CISD2: variants seen among roughly 807,000 people sequenced by gnomAD.
The protein encoded by CISD2 is CDGSH iron-sulfur domain-containing protein 2.
Under a neutral mutation model 12.9 loss-of-function variants are expected in CISD2, and 1 was observed. That is an observed-to-expected ratio of 0.08 (90% CI 0.03 to 0.37). The LOEUF (loss-of-function observed/expected upper bound fraction) is 0.37. Among genes scored for constraint, CISD2 ranks in the 10% least tolerant of loss-of-function variants. CISD2 has a pLI of 0.99. For missense variants in CISD2, 97 were observed against 163.1 expected (o/e 0.59, Z 2.21); for synonymous variants, 50 against 60.6 (o/e 0.83, Z 0.81).
intron 1 of CISD2, among the ~76,000 whole-genome samples, chr4:102,880,404 A>G (rs1733687180): frequency 6.6e-6 from 1 of 152,248 alleles, no homozygotes; most frequent in African/African-American, 2.4e-5. Flanking sequence ...AAGCATTTAC[A>G]GCCTATGTAT....
chr4:102,886,748 C>T (rs1204100752), intron 2 of CISD2, among the ~76,000 whole-genome samples: 1 of 118,462 alleles, frequency 8.4e-6, no homozygotes, highest in East Asian at 2.6e-4. Context: ...CCCAAGTACC[C>T]GAGACACAGG....
chr4:102,880,223 C>T (rs1346866243), intron 1 of CISD2, among the ~76,000 whole-genome samples: 2 of 152,142 alleles, frequency 1.3e-5, no homozygotes, highest in African/African-American at 2.4e-5. Context: ...GAATTACAGG[C>T]GTAAGCCACC....
intron 1 of CISD2, among the ~76,000 whole-genome samples, chr4:102,872,295 C>T (rs1437428477): frequency 6.6e-6 from 1 of 152,138 alleles, no homozygotes; most frequent in African/African-American, 2.4e-5. Context: ...GTCTTGAACT[C>T]CTGACCTCAG....
chr4:102,885,648 G>A (rs182606945), intron 2 of CISD2, among the ~76,000 whole-genome samples: 12 of 152,248 alleles, frequency 7.9e-5, no homozygotes, highest in Admixed American at 2.6e-4. Context: ...TAATGCCTTC[G>A]CAATGTTTGG....
At chr4:102,873,653 G>A (rs967696145) in intron 1 of CISD2, among the ~76,000 whole-genome samples, 1 of 149,224 alleles carries the variant, frequency 6.7e-6, no homozygotes, top group African/African-American at 2.5e-5. Flanking sequence ...AGTGGGATAC[G>A]TGGAAGGCTG....
rs1734243399 is a variant in CISD2 at position 102,891,413 on chromosome 4, T to G, written c.*3983T>G. The G allele has an allele frequency of 6.6e-6, 1 of 152,224 alleles. No homozygotes were observed. Among genetic ancestry groups the G allele is most frequent in the Admixed American group, 6.5e-5 (1 of 15,280 alleles). The allele number at this position is 152,224 out of a possible 1,614,324, so 9.4% of individuals were successfully genotyped here. A position where few individuals can be genotyped will look rare whatever the true frequency, so the allele number is the denominator to read the frequency against. ...GGTGAACATTAAAGGCATAGCAGCT[T>G]GAGACAATTTATAGGATTCTGCATA... On this transcript the variant is annotated 3_prime_UTR_variant, in exon 3 of 3. Transcript: ENST00000273986.
chr4:102,885,125 A>G (rs1456818579), intron 1 of CISD2, 91 bp from the exon 2 acceptor site: 4 of 1,046,512 alleles, frequency 3.8e-6, no homozygotes, highest in Non-Finnish European at 6.0e-6. Context: ...TGTAAAAAGT[A>G]ACAAAGAATA....
At chr4:102,872,608 G>A (rs1733485502) in intron 1 of CISD2, among the ~76,000 whole-genome samples, 1 of 152,078 alleles carries the variant, frequency 6.6e-6, no homozygotes, top group Non-Finnish European at 1.5e-5. Flanking sequence ...TTCTAGTTCT[G>A]TGGAATGTAA....
chr4:102,884,280 T>A (rs934416329), intron 1 of CISD2, among the ~76,000 whole-genome samples: 1 of 152,242 alleles, frequency 6.6e-6, no homozygotes, highest in African/African-American at 2.4e-5. Context: ...GCTAGTGCCC[T>A]TATACTCTTA....
At chr4:102,871,539 A>T (rs1201011797) in intron 1 of CISD2, among the ~76,000 whole-genome samples, 1 of 152,194 alleles carries the variant, frequency 6.6e-6, no homozygotes, top group Non-Finnish European at 1.5e-5. Context: ...TATGAAAAAC[A>T]TGAGATAGCC....
At chr4:102,871,110 C>T (rs561371861) in intron 1 of CISD2, among the ~76,000 whole-genome samples, 1 of 152,168 alleles carries the variant, frequency 6.6e-6, no homozygotes, top group South Asian at 2.1e-4. Context: ...GGAAAATGTC[C>T]AATGAATTAC....
rs146299528 is a variant in CISD2, at chr4:102,885,231, G to A, written c.119G>A (p.Arg40Gln). Residue 40 changes from arginine to glutamine, a missense_variant, in exon 2 of 3, where the codon CGG becomes CAG. By Grantham distance (43) the Arg-to-Gln change is conservative (BLOSUM62 1). Coordinates refer to ENST00000273986, the MANE Select transcript of CISD2 (RefSeq NM_001008388.5). ...FARLTVSEWL[R>Q]LLPFLGVLAL... ...ACATGTTTAGTTTCAGAATGGCTTCGGTTATTGCCTTTCCTTGGTGTACTC... is the reference window on the plus strand; with the variant it reads ...ACATGTTTAGTTTCAGAATGGCTTCAGTTATTGCCTTTCCTTGGTGTACTC... The A allele has an allele frequency of 7.4e-6, 12 of 1,613,966 alleles. No individual in the cohort carries two copies. Among genetic ancestry groups the A allele is most frequent in the African/African-American group, 2.7e-5 (2 of 75,030 alleles).
chr4:102,879,917 G>C (rs1259066791), intron 1 of CISD2, among the ~76,000 whole-genome samples: 1 of 152,006 alleles, frequency 6.6e-6, no homozygotes, highest in African/African-American at 2.4e-5. Flanking sequence ...CCCTGCCCTT[G>C]TATCTCTCTT....
At chr4:102,875,201 C>T (rs1015794432) in intron 1 of CISD2, among the ~76,000 whole-genome samples, 3 of 152,244 alleles carry the variant, frequency 2.0e-5, no homozygotes, top group African/African-American at 7.2e-5. Flanking sequence ...TGGAATGAAG[C>T]TCCTCCTCCC....
chr4:102,869,129 T>G lies in CISD2; in HGVS notation c.45T>G (p.Pro15=). 6.2e-7 allele frequency: 1 copy of G among 1,612,894 alleles called. No homozygotes were observed. Among genetic ancestry groups the G allele is most frequent in the South Asian group, 1.1e-5 (1 of 90,592 alleles). Reference sequence around the variant, plus strand: ...CCCGTATCGTGAAGGTGCAGCTCCCTGCATATCTGAAGCGGCTCCCAGTCC... The same window carrying G: ...CCCGTATCGTGAAGGTGCAGCTCCCGGCATATCTGAAGCGGCTCCCAGTCC... ...SVARIVKVQL[P]AYLKRLPVPE... The change falls in exon 1 of 3, where the codon CCT becomes CCG. Residue 15 remains proline, a synonymous_variant. Coordinates refer to ENST00000273986, the MANE Select transcript of CISD2 (RefSeq NM_001008388.5).
At chr4:102,874,134 A>T (rs553394363) in intron 1 of CISD2, among the ~76,000 whole-genome samples, 2,787 of 152,022 alleles carry the variant, frequency 0.018, 81 homozygotes, top group African/African-American at 0.061. Flanking sequence ...TTCAAAAAAA[A>T]AAAAAAATTG....
chr4:102,879,728 T>C (rs1733671931), intron 1 of CISD2, among the ~76,000 whole-genome samples: 1 of 151,990 alleles, frequency 6.6e-6, no homozygotes, highest in South Asian at 2.1e-4. Flanking sequence ...GCCAAGATCA[T>C]GCCACTGCAC....
rs1167603607 is a variant in CISD2, at chr4:102,889,755, TTAAA to T, written c.*2329_*2332del. 1 of 152,218 alleles carries T rather than the reference TTAAA, an allele frequency of 6.6e-6. No homozygotes were observed. Among genetic ancestry groups the T allele is most frequent in the African/African-American group, 2.4e-5 (1 of 41,460 alleles). 9.4% of individuals were successfully genotyped at this position (152,218 alleles called of 1,614,324 possible). On this transcript the variant is annotated 3_prime_UTR_variant, in exon 3 of 3. Coordinates refer to ENST00000273986, the MANE Select transcript of CISD2 (RefSeq NM_001008388.5). ...GTAAGCTGTTGCTTTAATAACTCCT[TTAAA>T]TAAGCATTATTAGCAGTTTGCATTA...
At chr4:102,886,716 A>G (rs963646860) in intron 2 of CISD2, among the ~76,000 whole-genome samples, 1 of 151,794 alleles carries the variant, frequency 6.6e-6, no homozygotes, top group African/African-American at 2.4e-5. Flanking sequence ...CCTGGGTTCA[A>G]GGAATTCTCC....
Sources: allele counts gnomAD v4.1 joint callset (sites outside exome capture counted in the v4.1 genomes callset), GRCh38; gene constraint gnomAD v4.1.1; transcripts MANE v1.5; gene names NCBI Gene and HGNC (gene_info 2026-07-23, HGNC 2026-07-21).